HDAC4: variants seen among roughly 807,000 people sequenced by gnomAD.
HDAC4 encodes the protein histone deacetylase 4.
Under a neutral mutation model 135.1 loss-of-function variants are expected in HDAC4, and 16 were observed. That is an observed-to-expected ratio of 0.12 (90% confidence interval 0.08 to 0.18). HDAC4 has a LOEUF of 0.18. Among genes scored for constraint, HDAC4 ranks in the 10% least tolerant of loss-of-function variants. HDAC4 has a pLI of 1.00. For synonymous variants in HDAC4, 685 were observed against 653.4 expected (o/e 1.05, Z -0.74); for missense variants, 1,143 against 1,511.8 (o/e 0.76, Z 4.05).
intron 15 of HDAC4, among the ~76,000 whole-genome samples, chr2:239,103,879 G>C (rs2037880678): frequency 6.6e-6 from 1 of 152,266 alleles, no homozygotes; most frequent in Non-Finnish European, 1.5e-5. Flanking sequence ...ATGCAGGGTG[G>C]AGGAAGAAGG....
chr2:239,183,050 C>T (rs1320860530), intron 4 of HDAC4, among the ~76,000 whole-genome samples: 1 of 152,214 alleles, frequency 6.6e-6, no homozygotes, highest in South Asian at 2.1e-4. Context: ...GGGGCAAGGG[C>T]TGTTGGGAAG....
intron 22 of HDAC4, among the ~76,000 whole-genome samples, chr2:239,075,635 AT>A (rs1408783739): frequency 6.6e-6 from 1 of 152,194 alleles, no homozygotes; most frequent in Non-Finnish European, 1.5e-5. Context: ...TGGCCTCTGC[AT>A]TTAGGGAGGT....
Position 239,163,938 on chromosome 2 carries a change from A to C in HDAC4, c.491-15T>G. The C allele has an allele frequency of 3.7e-6, 6 of 1,613,936 alleles. No homozygotes were observed. The highest frequency in any genetic ancestry group is 5.1e-6 in the Non-Finnish European group (6 of 1,180,012). The stretch of plus-strand genomic sequence containing the variant: ...GGCCACGGCACCTGGCGTGGGAGAA[A>C]GCATAGCAGGGGGTGAAGTGTGGCT... On this transcript the variant is annotated splice_polypyrimidine_tract_variant and intron_variant, in intron 5 of 26. Coordinates refer to ENST00000543185, the MANE Select transcript of HDAC4 (RefSeq NM_001378414.1).
chr2:239,191,208 G>C (rs2044926273), intron 3 of HDAC4, among the ~76,000 whole-genome samples: 1 of 152,216 alleles, frequency 6.6e-6, no homozygotes, highest in African/African-American at 2.4e-5. Flanking sequence ...TCAGAGGGGT[G>C]TCTGGGCCAA....
intron 9 of HDAC4, among the ~76,000 whole-genome samples, chr2:239,135,334 G>A (rs185133980): frequency 2.4e-4 from 36 of 152,330 alleles, no homozygotes; most frequent in Non-Finnish European, 4.1e-4. Flanking sequence ...GTATGAGGCA[G>A]ACGAGGGTCA....
intron 2 of HDAC4, among the ~76,000 whole-genome samples, chr2:239,336,985 A>C (rs1175389536): frequency 6.6e-6 from 1 of 152,098 alleles, no homozygotes; most frequent in African/African-American, 2.4e-5. Flanking sequence ...TGGCATATCG[A>C]GTGGGCCTGG....
At chr2:239,092,921 G>A (rs1048207967) in intron 17 of HDAC4, among the ~76,000 whole-genome samples, 3 of 147,810 alleles carry the variant, frequency 2.0e-5, no homozygotes, top group Middle Eastern at 3.5e-3. Context: ...TCTCTCTTTC[G>A]CAATAAAGAC....
rs570002312 is a variant in HDAC4 at position 239,081,009 on chromosome 2, C to T, written c.2750+86G>A. The T allele has an allele frequency of 2.4e-4, 243 of 1,033,744 alleles. 1 individual carries two copies. The African/African-American group carries it at 2.8e-3, about 12-fold the overall frequency. The allele number at this position is 1,033,744 out of a possible 1,614,324, so 64.0% of individuals were successfully genotyped here. On this transcript the variant is annotated intron_variant, in intron 22 of 26. Transcript: ENST00000543185. ...TTCAGCCACAGACCAGTTTCAGACACGCTCATCTCCAACAAGTGCTTCCTG... is the reference window on the plus strand; with the variant it reads ...TTCAGCCACAGACCAGTTTCAGACATGCTCATCTCCAACAAGTGCTTCCTG...
chr2:239,143,036 C>T (rs1485726942), intron 8 of HDAC4, among the ~76,000 whole-genome samples: 1 of 151,748 alleles, frequency 6.6e-6, no homozygotes, highest in Non-Finnish European at 1.5e-5. Flanking sequence ...GCACTGATCA[C>T]GCCCTGTCAC....
At chr2:239,178,128 G>A (rs939585305) in intron 4 of HDAC4, among the ~76,000 whole-genome samples, 23 of 152,332 alleles carry the variant, frequency 1.5e-4, no homozygotes, top group Middle Eastern at 3.4e-3. Context: ...CGGGGGAAGT[G>A]CCAGGCCTCC....
intron 5 of HDAC4, among the ~76,000 whole-genome samples, chr2:239,166,316 C>T (rs549612221): frequency 2.6e-5 from 4 of 152,272 alleles, no homozygotes; most frequent in East Asian, 1.9e-4. Context: ...AGCATGAGTC[C>T]GGGAAGGGCC....
At chr2:239,343,820 G>A (rs1463818792) in intron 2 of HDAC4, among the ~76,000 whole-genome samples, 1 of 152,220 alleles carries the variant, frequency 6.6e-6, no homozygotes, top group African/African-American at 2.4e-5. Flanking sequence ...AGCGGTGCCA[G>A]ATTGGCCTCT....
chr2:239,143,260 T>TA (rs3838512), intron 8 of HDAC4, among the ~76,000 whole-genome samples: 103,891 of 149,892 alleles, frequency 0.69, 36,650 homozygotes, highest in South Asian at 0.91. Flanking sequence ...CTGCACACTT[T>TA]AAAAAAAAAA....
In HDAC4 at chr2:239,090,104, T is replaced by A. The variant is rs750041083; in HGVS notation, c.2293A>T (p.Thr765Ser). The A allele has an allele frequency of 7.5e-6, 12 of 1,609,476 alleles. No individual in the cohort carries two copies. The highest frequency in any genetic ancestry group is 5.0e-5 in the Admixed American group (3 of 60,022). ...GCCGAGTGCACCTCGTTCCATATGG[T>A]GTCACTGTCCACCTGTGGAAACAAC... ...PCGGVGVDSD[T>S]IWNEVHSAGA... The change falls in exon 18 of 27, where the codon ACC (threonine) becomes TCC (serine). Residue 765 changes from threonine (T) to serine (S), a missense_variant. Physicochemically the swap from Thr to Ser is moderately conservative, Grantham distance 58. Transcript: ENST00000543185.
intron 2 of HDAC4, among the ~76,000 whole-genome samples, chr2:239,246,923 C>G (rs539374760): frequency 2.0e-5 from 3 of 152,238 alleles, no homozygotes; most frequent in Non-Finnish European, 4.4e-5. Flanking sequence ...GCGCTGGGAG[C>G]GTGCGAGGAG....
At chr2:239,105,866 G>A (rs2038081454) in intron 15 of HDAC4, among the ~76,000 whole-genome samples, 1 of 152,176 alleles carries the variant, frequency 6.6e-6, no homozygotes, top group Non-Finnish European at 1.5e-5. Context: ...GCTGGCACTG[G>A]AAGTCTGGTG....
In HDAC4 at chr2:239,299,840, G is replaced by A. The variant is rs2052143775; in HGVS notation, c.22+52838C>T. Among the ~76,000 whole-genome samples the A allele has an allele frequency of 6.6e-6, 1 of 152,186 alleles. No individual in the cohort carries two copies. Reference sequence around the variant, plus strand: ...GGCACACACCAGACGAACCAAACCAGCAACAGAGCGGAGAGCCTGCAGGGA... The same window carrying A: ...GGCACACACCAGACGAACCAAACCAACAACAGAGCGGAGAGCCTGCAGGGA... On this transcript the variant is annotated intron_variant, in intron 2 of 26. Coordinates refer to ENST00000543185, the MANE Select transcript of HDAC4 (RefSeq NM_001378414.1). The surrounding 1 kb of genome is among the most constrained non-coding windows in gnomAD (Gnocchi z 4.0).
rs77015659 is a variant in HDAC4 at position 239,112,557 on chromosome 2, G to T, written c.1792-845C>A. Among the ~76,000 whole-genome samples the T allele has an allele frequency of 5.2e-3, 788 of 152,164 alleles. 6 individuals are homozygous for T. Among genetic ancestry groups the T allele is most frequent in the African/African-American group, 0.016 (648 of 41,540 alleles). On this transcript the variant is annotated intron_variant, in intron 13 of 26. Coordinates refer to ENST00000543185, the MANE Select transcript of HDAC4 (RefSeq NM_001378414.1). Reference sequence around the variant, plus strand: ...GGAGCTGGGCTGGGCTCTGTGTGTGGGGGGGGCACTCAGCCAGGGGCCTGG... The same window carrying T: ...GGAGCTGGGCTGGGCTCTGTGTGTGTGGGGGGCACTCAGCCAGGGGCCTGG...
chr2:239,179,461 G>A (rs1575311864), intron 4 of HDAC4, among the ~76,000 whole-genome samples: 1 of 152,178 alleles, frequency 6.6e-6, no homozygotes, highest in Admixed American at 6.5e-5. Context: ...GTGCGTGTGG[G>A]GGATTTAGGA....
Sources: gnomAD v4.1 joint callset for allele counts (sites outside exome capture counted in the v4.1 genomes callset) on GRCh38, gnomAD v4.1.1 for gene constraint, Gnocchi (gnomAD v3.1) non-coding constraint, MANE v1.5 for transcripts, NCBI Gene and HGNC (gene_info 2026-07-23, HGNC 2026-07-21) for gene names.